Variants in PTPRD observed in about 807,000 individuals in gnomAD.
PTPRD encodes the protein protein tyrosine phosphatase receptor type D.
A neutral mutation model predicts 214.5 loss-of-function variants in PTPRD; 34 were observed. That is an observed-to-expected ratio of 0.16 (90% CI 0.12 to 0.21). The LOEUF is 0.21. PTPRD is among the 10% of genes least tolerant of loss of function. The pLI, the probability that PTPRD is intolerant of heterozygous loss-of-function variation, is 1.00. For missense variants in PTPRD, 2,545 were observed against 2,398.7 expected (o/e 1.06, Z -1.27); for synonymous variants, 1,128 against 845.7 (o/e 1.33, Z -5.79).
intron 12 of PTPRD, among the ~76,000 whole-genome samples, chr9:8,705,609 A>T (rs575486965): frequency 2.0e-4 from 31 of 152,356 alleles, no homozygotes; most frequent in Non-Finnish European, 3.4e-4. Context: ...GAAGACATAA[A>T]AGATATATCT....
intron 12 of PTPRD, among the ~76,000 whole-genome samples, chr9:8,727,630 G>C (rs114658818): frequency 6.6e-6 from 1 of 151,632 alleles, no homozygotes; most frequent in Non-Finnish European, 1.5e-5. Context: ...TTTTTGTTTT[G>C]GTTTAGGTGT....
chr9:8,774,246 C>T (rs550391686), intron 11 of PTPRD, among the ~76,000 whole-genome samples: 8 of 94,346 alleles, frequency 8.5e-5, no homozygotes, highest in South Asian at 4.2e-4. Context: ...TTTCCTTCAA[C>T]GTCCGGATAT....
At chr9:9,739,924 G>C (rs1390035291) in intron 6 of PTPRD, among the ~76,000 whole-genome samples, 1 of 151,938 alleles carries the variant, frequency 6.6e-6, no homozygotes, top group East Asian at 1.9e-4. Context: ...TTTTCAAGTT[G>C]TGTTTTAAGA....
At chr9:9,268,045 AGAAAT>A (rs1398485321) in intron 9 of PTPRD, among the ~76,000 whole-genome samples, 12 of 151,210 alleles carry the variant, frequency 7.9e-5, no homozygotes, top group Non-Finnish European at 8.9e-5. Context: ...AGGCAAGAAA[AGAAAT>A]AAAAGGCATC....
intron 3 of PTPRD, among the ~76,000 whole-genome samples, chr9:10,068,071 T>TA (rs909253184): frequency 3.9e-4 from 60 of 151,962 alleles, no homozygotes; most frequent in African/African-American, 9.4e-4. Context: ...CCAGTTCTGG[T>TA]AAAAAAATAA....
chr9:10,351,344 A>G (rs2154457864), intron 2 of PTPRD, among the ~76,000 whole-genome samples: 1 of 152,234 alleles, frequency 6.6e-6, no homozygotes, highest in Non-Finnish European at 1.5e-5. Flanking sequence ...CACATTGCCT[A>G]TCATATGGTC....
intron 37 of PTPRD, among the ~76,000 whole-genome samples, chr9:8,382,365 C>T (rs899863673): frequency 2.6e-5 from 4 of 152,208 alleles, no homozygotes; most frequent in African/African-American, 7.2e-5. Flanking sequence ...GAACCACAGA[C>T]ATGAATGCAG....
intron 10 of PTPRD, among the ~76,000 whole-genome samples, chr9:9,100,367 T>C (rs2154440185): frequency 6.6e-6 from 1 of 152,288 alleles, no homozygotes; most frequent in South Asian, 2.1e-4. Context: ...GATATACTGA[T>C]TTCTGAGAAG....
At chr9:8,693,354 C>T (rs780081996) in intron 12 of PTPRD, among the ~76,000 whole-genome samples, 7 of 152,198 alleles carry the variant, frequency 4.6e-5, no homozygotes, top group East Asian at 1.9e-4. Flanking sequence ...CAAACATATC[C>T]TTCTTCTCCA....
At chr9:9,756,239 G>C (rs1345354011) in intron 6 of PTPRD, among the ~76,000 whole-genome samples, 1 of 152,058 alleles carries the variant, frequency 6.6e-6, no homozygotes, top group Non-Finnish European at 1.5e-5. Context: ...GGTTATGTGA[G>C]ATTCATTAGC....
chr9:9,481,451 G>A (rs776987237), intron 8 of PTPRD, among the ~76,000 whole-genome samples: 16 of 152,110 alleles, frequency 1.1e-4, no homozygotes, highest in Non-Finnish European at 1.8e-4. Context: ...GCTCAGCAGG[G>A]CTGATTTACC....
chr9:10,561,126 T>C (rs1310138782), intron 2 of PTPRD, among the ~76,000 whole-genome samples: 1 of 152,180 alleles, frequency 6.6e-6, no homozygotes, highest in East Asian at 1.9e-4. Context: ...CATTGTATTT[T>C]AGATGGTGTC....
At chr9:9,844,460 T>C (rs934678664) in intron 5 of PTPRD, among the ~76,000 whole-genome samples, 1 of 151,926 alleles carries the variant, frequency 6.6e-6, no homozygotes, top group Admixed American at 6.6e-5. Context: ...AAATGAGATC[T>C]TGATCAAAGG....
In PTPRD at chr9:9,448,809, T is replaced by A. The variant is rs186098500; in HGVS notation, c.-236-51327A>T. Among the ~76,000 whole-genome samples, 8 of 152,120 alleles carry A rather than the reference T, an allele frequency of 5.3e-5. No homozygotes were observed. In the East Asian group the frequency reaches 1.4e-3, roughly 26 times the overall value. On this transcript the variant is annotated intron_variant, in intron 8 of 45. Transcript: ENST00000381196. Reference sequence around the variant, plus strand: ...TCAGCAGGGGGATTAAACACACACATGCACACACACTGTGGTATAGGTTGT... The same window carrying A: ...TCAGCAGGGGGATTAAACACACACAAGCACACACACTGTGGTATAGGTTGT...
chr9:9,906,827 C>T (rs2077702775), intron 5 of PTPRD, among the ~76,000 whole-genome samples: 3 of 151,916 alleles, frequency 2.0e-5, no homozygotes, highest in South Asian at 4.1e-4. Flanking sequence ...AGATTATTCT[C>T]TTTCAAGAAA....
chr9:10,030,645 G>T (rs1307153911), intron 4 of PTPRD, among the ~76,000 whole-genome samples: 1 of 152,168 alleles, frequency 6.6e-6, no homozygotes, highest in Admixed American at 6.6e-5. Context: ...TGAGGGGCCT[G>T]GTGATGGGTG....
intron 5 of PTPRD, among the ~76,000 whole-genome samples, chr9:9,823,316 T>C (rs149850292): frequency 5.0e-4 from 76 of 151,594 alleles, no homozygotes; most frequent in African/African-American, 1.7e-3. Flanking sequence ...ATGGTGAAAA[T>C]AGGAGCAAGA....
intron 44 of PTPRD, among the ~76,000 whole-genome samples, chr9:8,330,688 TATCATAGAGCCAA>T (rs1438181743): frequency 1.3e-5 from 2 of 152,156 alleles, no homozygotes; most frequent in East Asian, 3.9e-4. Context: ...GAAACTTCAT[TATCATAGAGCCAA>T]ATAATAGAAT....
At chr9:8,363,493 G>C (rs927023558) in intron 39 of PTPRD, among the ~76,000 whole-genome samples, 2 of 152,020 alleles carry the variant, frequency 1.3e-5, no homozygotes, top group East Asian at 1.9e-4. Flanking sequence ...AGATCAGGTG[G>C]CTGTTCTGAA....
Sources: gnomAD v4.1 joint callset for allele counts (sites outside exome capture counted in the v4.1 genomes callset) on GRCh38, gnomAD v4.1.1 for gene constraint, MANE v1.5 for transcripts, NCBI Gene and HGNC (gene_info 2026-07-23, HGNC 2026-07-21) for gene names.